Variants in EIF4B observed in about 807,000 individuals in gnomAD.
The protein encoded by EIF4B is eukaryotic translation initiation factor 4B.
Under a neutral mutation model 79.3 loss-of-function variants are expected in EIF4B, and 8 were observed. That is an observed-to-expected ratio of 0.10 (90% confidence interval 0.06 to 0.18). The LOEUF (loss-of-function observed/expected upper bound fraction) is 0.18. EIF4B is among the 10% of genes least tolerant of loss of function. The probability of loss-of-function intolerance (pLI) is 1.00; values close to 1 mark genes in which losing one functional copy is unlikely to be tolerated. For missense variants in EIF4B, 515 were observed against 792.4 expected (o/e 0.65, Z 4.20); for synonymous variants, 238 against 274.7 (o/e 0.87, Z 1.32).
intron 8 of EIF4B, among the ~76,000 whole-genome samples, chr12:53,029,417 C>G (rs545497442): frequency 7.0e-6 from 1 of 143,686 alleles, no homozygotes; most frequent in South Asian, 2.2e-4. Context: ...CTGTTTGTTG[C>G]CAGGCTGGAG....
intron 6 of EIF4B, among the ~76,000 whole-genome samples, chr12:53,025,999 T>C (rs757418781): frequency 1.1e-4 from 16 of 151,894 alleles, no homozygotes; most frequent in Non-Finnish European, 1.6e-4. Context: ...CTGGGGAGGC[T>C]GAGGCAAGAG....
chr12:53,014,932 T>G (rs1943124848), intron 1 of EIF4B: 1 of 152,242 alleles, frequency 6.6e-6, no homozygotes, highest in African/African-American at 2.4e-5. Context: ...TGGTGGTGAC[T>G]TCTCGGAAGT....
chr12:53,026,481 A>G (rs1943336585), intron 6 of EIF4B, among the ~76,000 whole-genome samples: 1 of 152,276 alleles, frequency 6.6e-6, no homozygotes, highest in African/African-American at 2.4e-5. Context: ...TTTATCACAC[A>G]TCCAATTATT....
At chr12:53,035,321 T>C (rs1338970275) in intron 10 of EIF4B, among the ~76,000 whole-genome samples, 1 of 151,762 alleles carries the variant, frequency 6.6e-6, no homozygotes, top group African/African-American at 2.4e-5. Context: ...CCCTAGTAGC[T>C]GGAACTGTAG....
At chr12:53,022,655 C>A in intron 6 of EIF4B, 28 bp downstream of exon 6, 2 of 1,608,300 alleles carry the variant, frequency 1.2e-6, no homozygotes, top group Non-Finnish European at 1.7e-6. Context: ...AAGTTAGCTT[C>A]CTCTGTGCTT....
chr12:53,023,420 A>C (rs567864207), intron 6 of EIF4B, among the ~76,000 whole-genome samples: 35 of 151,484 alleles, frequency 2.3e-4, no homozygotes, highest in African/African-American at 6.5e-4. Flanking sequence ...TTTAGTAGAG[A>C]TGGGGTTTCA....
rs370810378 is a variant in EIF4B, at chr12:53,018,848, A to G, written c.202A>G (p.Ile68Val). ...TGACGATGTGTATAGGGCGCCTCCA[A>G]TTGACCGTTCCATCCTTCCCACTGC... The part of the protein sequence containing the change: ...NDDDVYRAPP[I>V]DRSILPTAPR... The change falls in exon 3 of 15, where the codon ATT becomes GTT. Residue 68 changes from isoleucine (I) to valine (V), a missense_variant. Ile to Val is a conservative substitution (Grantham distance 29, BLOSUM62 3). Around this residue, in one of 6 missense-constraint regions of EIF4B, gnomAD observed 105 missense variants for 177.2 expected, o/e 0.59. Coordinates refer to ENST00000262056, the MANE Select transcript of EIF4B (RefSeq NM_001417.7). The G allele has an allele frequency of 8.2e-5, 132 of 1,613,406 alleles. No individual in the cohort carries two copies. Among genetic ancestry groups the G allele is most frequent in the Middle Eastern group, 1.7e-4 (1 of 5,796 alleles).
At chr12:53,037,314 C>A in intron 10 of EIF4B, 95 bp from the exon 11 acceptor site, 1 of 1,406,024 alleles carries the variant, frequency 7.1e-7, no homozygotes, top group South Asian at 1.4e-5. Flanking sequence ...GGAGCCAAAA[C>A]TTGGATGTGG....
intron 1 of EIF4B, among the ~76,000 whole-genome samples, chr12:53,009,878 A>G (rs550974705): frequency 2.0e-5 from 3 of 152,344 alleles, no homozygotes; most frequent in Non-Finnish European, 4.4e-5. Context: ...AAAAAGAGGT[A>G]TATTTCATCT....
intron 6 of EIF4B, among the ~76,000 whole-genome samples, chr12:53,023,599 TTGAGACA>T (rs1943286031): frequency 1.3e-5 from 2 of 150,004 alleles, no homozygotes; most frequent in Non-Finnish European, 3.0e-5. Flanking sequence ...TTTTTTTTTT[TTGAGACA>T]GAGTTTCGCT....
intron 2 of EIF4B, among the ~76,000 whole-genome samples, chr12:53,018,055 T>C (rs1943176227): frequency 6.6e-6 from 1 of 152,218 alleles, no homozygotes; most frequent in Non-Finnish European, 1.5e-5. Flanking sequence ...AGTGGCACAA[T>C]ATCTTGGCCC....
At chr12:53,033,684 G>A (rs542323038) in intron 8 of EIF4B, 122 bp from the exon 9 acceptor site, 82 of 1,084,412 alleles carry the variant, frequency 7.6e-5, no homozygotes, top group South Asian at 4.1e-4. Context: ...TCTGTGGATT[G>A]GTTAGGCCAC....
intron 2 of EIF4B, 103 bp downstream of exon 2, chr12:53,016,713 A>AT: frequency 7.0e-7 from 1 of 1,426,560 alleles, no homozygotes; most frequent in Non-Finnish European, 9.3e-7. Flanking sequence ...GAACTTACTC[A>AT]TTTTTTAGCA....
chr12:53,006,954 G>T (rs535813194), intron 1 of EIF4B, among the ~76,000 whole-genome samples: 1 of 150,460 alleles, frequency 6.6e-6, no homozygotes. Context: ...AAGTGTGGTG[G>T]GGGGGAGCAG....
intron 8 of EIF4B, among the ~76,000 whole-genome samples, chr12:53,030,413 C>CTTTTTTTTTGTTTTTTTTTTTTTTTT (rs1943415963): frequency 2.3e-5 from 1 of 43,066 alleles, no homozygotes; most frequent in African/African-American, 5.2e-5. Context: ...AAATTATATT[C>CTTTTTTTTTGTTTTTTTTTTTTTTTT]TTTTTTTTTT....
rs545722855 is a variant in EIF4B, at chr12:53,028,569, A to G, written c.979+381A>G. Among the ~76,000 whole-genome samples, 13 of 151,994 alleles carry G rather than the reference A, an allele frequency of 8.6e-5. No individual in the cohort carries two copies. The East Asian group carries it at 1.4e-3, about 16-fold the overall frequency. ...GACTCCCCATCTCAAAAAAAAAAAA[A>G]AAGCATTGGCTAAGGATGACATCAG... On this transcript the variant is annotated intron_variant, in intron 8 of 14. Transcript: ENST00000262056.
rs577755701 is a variant in EIF4B, at chr12:53,020,047, G to A, written c.477+21G>A. The stretch of plus-strand genomic sequence containing the variant: ...AAGAGGTAAAGAAAATAAGAGTGGG[G>A]ATATGAGGGGTGTAAGTTCACAAAT... On this transcript the variant is annotated intron_variant, in intron 4 of 14. Transcript: ENST00000262056. 10 of 1,570,232 alleles carry A rather than the reference G, an allele frequency of 6.4e-6. No individual in the cohort carries two copies. The South Asian group carries it at 8.1e-5, about 13-fold the overall frequency.
chr12:53,012,692 G>A (rs867864880), intron 1 of EIF4B, among the ~76,000 whole-genome samples: 7 of 147,264 alleles, frequency 4.8e-5, no homozygotes, highest in South Asian at 2.2e-4. Flanking sequence ...TGCAAGCTCC[G>A]CCTCCCGGGT....
At chr12:53,022,428 T>C in intron 5 of EIF4B, 65 bp from the exon 6 acceptor site, 1 of 1,598,958 alleles carries the variant, frequency 6.3e-7, no homozygotes, top group African/African-American at 1.3e-5. Flanking sequence ...GTTTTCTATG[T>C]GTGAGAAATA....
Sources: gnomAD v4.1 joint callset for allele counts (sites outside exome capture counted in the v4.1 genomes callset) on GRCh38, gnomAD v4.1.1 for gene constraint, gnomAD v4.1.1 regional missense constraint, MANE v1.5 for transcripts, NCBI Gene and HGNC (gene_info 2026-07-23, HGNC 2026-07-21) for gene names.